Variants in CIDEA observed in about 807,000 individuals in gnomAD.
The protein encoded by CIDEA is lipid transferase CIDEA.
A neutral mutation model predicts 18.2 loss-of-function variants in CIDEA; 10 were observed. The observed-to-expected ratio is 0.55, with a 90% CI of 0.34 to 0.93. The LOEUF (loss-of-function observed/expected upper bound fraction) is 0.93, where lower values mean the gene tolerates loss of function less well. Among genes scored for constraint, CIDEA ranks in the 40% least tolerant of loss-of-function variants. The probability of loss-of-function intolerance (pLI) is 0.02; values close to 1 mark genes in which losing one functional copy is unlikely to be tolerated. For synonymous variants in CIDEA, 128 were observed against 124.8 expected (o/e 1.03, Z -0.17); for missense variants, 309 against 293.1 (o/e 1.05, Z -0.40).
intron 3 of CIDEA, 97 bp downstream of exon 3, chr18:12,264,550 CT>C (rs11330077): frequency 0.69 from 366,169 of 533,778 alleles, 102,872 homozygotes; most frequent in Admixed American, 0.81. Flanking sequence ...CACTTTCTTT[CT>C]TTTTTTTTTT....
intron 3 of CIDEA, among the ~76,000 whole-genome samples, chr18:12,266,263 G>A (rs892680067): frequency 6.6e-6 from 1 of 151,920 alleles, no homozygotes; most frequent in African/African-American, 2.4e-5. Flanking sequence ...ATACCAGCCT[G>A]AGCAACATGG....
intron 3 of CIDEA, among the ~76,000 whole-genome samples, chr18:12,267,444 A>G (rs1210153008): frequency 6.6e-6 from 1 of 152,268 alleles, no homozygotes; most frequent in Admixed American, 6.5e-5. Context: ...CACATCAGCT[A>G]TGCTGAGCAA....
At chr18:12,265,772 G>A (rs1249203529) in intron 3 of CIDEA, among the ~76,000 whole-genome samples, 2 of 152,050 alleles carry the variant, frequency 1.3e-5, no homozygotes, top group Non-Finnish European at 2.9e-5. Flanking sequence ...CATTCGTAAC[G>A]TTCTCACAAT....
In CIDEA at chr18:12,262,868, A is replaced by G. The variant is rs139378832; in HGVS notation, c.82A>G (p.Thr28Ala). 80 of 1,614,092 alleles carry G rather than the reference A, an allele frequency of 5.0e-5. 1 individual carries two copies. The highest frequency in any genetic ancestry group is 6.7e-5 in the Non-Finnish European group (79 of 1,180,008). The change falls in exon 2 of 5, where the codon ACC becomes GCC. Residue 28 changes from threonine (T) to alanine (A), a missense_variant. By Grantham distance (58) the Thr-to-Ala change is moderately conservative. Coordinates refer to ENST00000320477, the MANE Select transcript of CIDEA (RefSeq NM_001279.4). ...MGSQTKRVLFTPLMHPARPFR... is the reference protein window; with the variant it reads ...MGSQTKRVLFAPLMHPARPFR... ...ATCACAGACTAAGCGAGTCCTGTTC[A>G]CCCCGCTCATGCATCCAGCTCGCCC...
At chr18:12,268,570 G>T (rs562099009) in intron 3 of CIDEA, among the ~76,000 whole-genome samples, 1 of 151,418 alleles carries the variant, frequency 6.6e-6, no homozygotes, top group East Asian at 2.0e-4. Flanking sequence ...GTATCTTCTT[G>T]TAGAGACAGG....
At chr18:12,258,309 G>A (rs1417506927) in intron 1 of CIDEA, among the ~76,000 whole-genome samples, 1 of 152,246 alleles carries the variant, frequency 6.6e-6, no homozygotes, top group Non-Finnish European at 1.5e-5. Flanking sequence ...CAGGTCACCG[G>A]AGCACAGGTG....
At chr18:12,260,241 G>A (rs1000232853) in intron 1 of CIDEA, among the ~76,000 whole-genome samples, 8 of 152,044 alleles carry the variant, frequency 5.3e-5, no homozygotes, top group Non-Finnish European at 1.2e-4. Context: ...CTTTTGCCCA[G>A]GCTGGAGTGC....
At chr18:12,269,388 T>G (rs920643210) in intron 3 of CIDEA, among the ~76,000 whole-genome samples, 1 of 152,200 alleles carries the variant, frequency 6.6e-6, no homozygotes, top group Non-Finnish European at 1.5e-5. Flanking sequence ...TTTTTTTATA[T>G]TATGCCAGAA....
At chr18:12,269,738 C>A (rs780201975) in intron 3 of CIDEA, among the ~76,000 whole-genome samples, 12 of 152,194 alleles carry the variant, frequency 7.9e-5, no homozygotes, top group Admixed American at 2.6e-4. Flanking sequence ...TGCTCTGTCA[C>A]CCGGGCTGGA....
chr18:12,254,620 G>C, intron 1 of CIDEA, 199 bp downstream of exon 1: 2 of 1,527,088 alleles, frequency 1.3e-6, no homozygotes, highest in South Asian at 2.4e-5. Flanking sequence ...GCGCCCGCGG[G>C]CAGAGCCCAA....
At chr18:12,271,080 G>A (rs960490380) in intron 3 of CIDEA, among the ~76,000 whole-genome samples, 1 of 151,820 alleles carries the variant, frequency 6.6e-6, no homozygotes, top group South Asian at 2.1e-4. Flanking sequence ...TGTATTATTA[G>A]TAGAGACGGG....
chr18:12,270,900 T>TTC (rs1912505254), intron 3 of CIDEA, among the ~76,000 whole-genome samples: 2 of 135,388 alleles, frequency 1.5e-5, no homozygotes, highest in African/African-American at 5.5e-5. Flanking sequence ...TTTTCTTTTT[T>TTC]TTTTTTTTTT....
At chr18:12,275,996 A>ATT (rs1403551978) in intron 4 of CIDEA, among the ~76,000 whole-genome samples, 1 of 141,994 alleles carries the variant, frequency 7.0e-6, no homozygotes, top group South Asian at 2.2e-4. Flanking sequence ...TTCTTTTCTT[A>ATT]TTTTTTTTCT....
At chr18:12,269,170 A>C (rs1415043831) in intron 3 of CIDEA, among the ~76,000 whole-genome samples, 1 of 152,204 alleles carries the variant, frequency 6.6e-6, no homozygotes, top group Non-Finnish European at 1.5e-5. Context: ...TTCCAAAACA[A>C]AAAGATGGAG....
At chr18:12,261,425 C>T (rs1488367714) in intron 1 of CIDEA, among the ~76,000 whole-genome samples, 1 of 152,198 alleles carries the variant, frequency 6.6e-6, no homozygotes, top group Non-Finnish European at 1.5e-5. Context: ...ACATGTGGCT[C>T]TACTGGCCCC....
intron 3 of CIDEA, among the ~76,000 whole-genome samples, chr18:12,272,707 A>C (rs1375063919): frequency 6.6e-6 from 1 of 152,034 alleles, no homozygotes; most frequent in Non-Finnish European, 1.5e-5. Context: ...AGGATGATGA[A>C]GTCAACCTCA....
intron 1 of CIDEA, among the ~76,000 whole-genome samples, chr18:12,261,045 G>T (rs1489473044): frequency 6.6e-6 from 1 of 152,120 alleles, no homozygotes; most frequent in East Asian, 1.9e-4. Flanking sequence ...GCTGATTTCT[G>T]ATTGTGTTAT....
chr18:12,265,313 G>A (rs1337075713), intron 3 of CIDEA, among the ~76,000 whole-genome samples: 1 of 152,258 alleles, frequency 6.6e-6, no homozygotes, highest in Non-Finnish European at 1.5e-5. Flanking sequence ...GAAATCCTCA[G>A]TGGTTAAAAT....
intron 3 of CIDEA, among the ~76,000 whole-genome samples, chr18:12,271,864 A>G (rs1034723514): frequency 1.3e-5 from 2 of 150,556 alleles, no homozygotes; most frequent in Admixed American, 1.3e-4. Flanking sequence ...CCTCAGGAAG[A>G]GCGCGGCCCC....
Sources: allele counts gnomAD v4.1 joint callset (sites outside exome capture counted in the v4.1 genomes callset), GRCh38; gene constraint gnomAD v4.1.1; transcripts MANE v1.5; gene names NCBI Gene and HGNC (gene_info 2026-07-23, HGNC 2026-07-21).